The following GLIS3 variants were observed in gnomAD, a reference collection of about 807,000 sequenced individuals.
GLIS3 encodes the protein zinc finger protein GLIS3.
GLIS3 carries 53 observed loss-of-function variants against 78.6 expected under a neutral mutation model. That is an observed-to-expected ratio of 0.67 (90% CI 0.54 to 0.85). The LOEUF (loss-of-function observed/expected upper bound fraction) is 0.85. GLIS3 is among the 40% of genes least tolerant of loss of function. GLIS3 has a pLI of 0.00. For missense variants in GLIS3, 1,703 were observed against 1,231.1 expected (o/e 1.38, Z -5.74); for synonymous variants, 684 against 509.9 (o/e 1.34, Z -4.60).
rs1483576296 is a variant in GLIS3, at chr9:4,225,658, G to A, written c.388+60380C>T. Among the ~76,000 whole-genome samples the A allele has an allele frequency of 2.6e-5, 4 of 152,200 alleles. No individual in the cohort carries two copies. The South Asian group carries it at 6.2e-4, about 24-fold the overall frequency. ...AACTGCTTCTTAATGATGAGCTCAC[G>A]GTACTTCAACCACATCTAAGGGAAA... On this transcript the variant is annotated intron_variant, in intron 2 of 10. Coordinates refer to ENST00000381971, the MANE Select transcript of GLIS3 (RefSeq NM_001042413.2).
At chr9:4,228,323 G>C (rs937159623) in intron 2 of GLIS3, among the ~76,000 whole-genome samples, 5 of 152,096 alleles carry the variant, frequency 3.3e-5, no homozygotes, top group African/African-American at 1.2e-4. Flanking sequence ...GGAGTATAGG[G>C]GAGGAGTCGG....
intron 4 of GLIS3, among the ~76,000 whole-genome samples, chr9:4,063,386 T>C (rs1164360104): frequency 2.0e-5 from 3 of 152,116 alleles, no homozygotes; most frequent in Non-Finnish European, 4.4e-5. Flanking sequence ...CATAACAAGA[T>C]TGAAACCACA....
chr9:4,127,615 T>G (rs557979565), intron 2 of GLIS3, among the ~76,000 whole-genome samples: 2 of 152,248 alleles, frequency 1.3e-5, no homozygotes, highest in African/African-American at 4.8e-5. Context: ...ATGCATTAGC[T>G]TTTCATATTC....
In GLIS3 at chr9:4,044,051, C is replaced by A. The variant is rs1025227855; in HGVS notation, c.1710+73717G>T. Among the ~76,000 whole-genome samples, 12 of 152,282 alleles carry A rather than the reference C, an allele frequency of 7.9e-5. No individual in the cohort carries two copies. In the East Asian group the frequency reaches 2.3e-3, roughly 29 times the overall value. On this transcript the variant is annotated intron_variant, in intron 4 of 10. Coordinates refer to ENST00000381971, the MANE Select transcript of GLIS3 (RefSeq NM_001042413.2). The stretch of plus-strand genomic sequence containing the variant: ...AGAGGGCAGAGCAGGCAAACATCAC[C>A]AATAGGGTCCGGCACAGAAGAGAAA...
the GLIS3 span, among the ~76,000 whole-genome samples, chr9:4,379,081 G>A: frequency 1.3e-5 from 2 of 152,086 alleles, no homozygotes; most frequent in Admixed American, 1.3e-4. Flanking sequence ...GCAGCCTCTC[G>A]GCCGTGTCGT....
chr9:3,990,285 T>A (rs561300722), intron 4 of GLIS3, among the ~76,000 whole-genome samples: 1 of 152,166 alleles, frequency 6.6e-6, no homozygotes, highest in Non-Finnish European at 1.5e-5. Context: ...TAACATAATA[T>A]TAGAATCATT....
At chr9:4,189,772 C>G (rs546439161) in intron 2 of GLIS3, among the ~76,000 whole-genome samples, 27 of 152,188 alleles carry the variant, frequency 1.8e-4, no homozygotes, top group Admixed American at 6.5e-4. Context: ...CTCTTTTGAT[C>G]TTTGCTGGTT....
rs769890708 is a variant in GLIS3, at chr9:4,117,989, C to G, written c.1489G>C (p.Gly497Arg). The G allele has an allele frequency of 5.6e-6, 9 of 1,611,608 alleles. No homozygotes were observed. The East Asian group carries it at 6.7e-5, about 12-fold the overall frequency. The change falls in exon 4 of 11, where the codon GGG (glycine) becomes CGG (arginine). Residue 497 changes from glycine to arginine, a missense_variant. Transcript: ENST00000381971. Reference protein sequence around the residue: ...LDDDGEMDGIGGKHCCRWIDC... With the variant: ...LDDDGEMDGIRGKHCCRWIDC... ...ATCCAGCGGCAGCAATGCTTGCCCC[C>G]GATGCCGTCCATCTCCCCGTCGTCG...
intron 4 of GLIS3, among the ~76,000 whole-genome samples, chr9:4,031,905 A>T (rs909400362): frequency 6.6e-6 from 1 of 152,184 alleles, no homozygotes. Context: ...TTTCATGCCA[A>T]TATATACAGG....
At chr9:4,353,628 C>A in the GLIS3 span, among the ~76,000 whole-genome samples, 5 of 152,096 alleles carry the variant, frequency 3.3e-5, no homozygotes, top group Non-Finnish European at 7.4e-5. Context: ...CAAGAAGTTA[C>A]CCAAAACGGG....
At chr9:4,300,162 G>C (rs1271066842), upstream of GLIS3, among the ~76,000 whole-genome samples, 1 of 151,646 alleles carries the variant, frequency 6.6e-6, no homozygotes, top group Non-Finnish European at 1.5e-5. Context: ...CGGGTCACTA[G>C]GCTGGCCAAT....
At chr9:3,985,238 T>C (rs1819644672) in intron 4 of GLIS3, among the ~76,000 whole-genome samples, 1 of 152,090 alleles carries the variant, frequency 6.6e-6, no homozygotes, top group Non-Finnish European at 1.5e-5. Context: ...CATCTCCAAG[T>C]CTCAAGCAAT....
chr9:4,208,325 A>G (rs772919233), intron 2 of GLIS3, among the ~76,000 whole-genome samples: 2 of 152,196 alleles, frequency 1.3e-5, no homozygotes, highest in Non-Finnish European at 2.9e-5. Flanking sequence ...AAATCTCGAG[A>G]CTGCAATGGC....
chr9:3,837,567 G>C (rs1225672716), intron 9 of GLIS3, among the ~76,000 whole-genome samples: 1 of 152,102 alleles, frequency 6.6e-6, no homozygotes, highest in Non-Finnish European at 1.5e-5. Flanking sequence ...GTACATGCAG[G>C]CAATGGAATA....
rs773438797 is a variant in GLIS3, at chr9:4,296,729, T to C, written c.-99+2692A>G. On this transcript the variant is annotated intron_variant, in intron 1 of 10. Coordinates refer to ENST00000381971, the MANE Select transcript of GLIS3 (RefSeq NM_001042413.2). ...CTTCTGGGCAAGAAAAGAAAGCAAT[T>C]ACAAACTACCAATAAGGACAGGTGT... Among the ~76,000 whole-genome samples the C allele has an allele frequency of 3.0e-4, 46 of 151,862 alleles. 1 individual carries two copies. The highest frequency in any genetic ancestry group is 8.8e-5 in the Non-Finnish European group (6 of 67,986).
chr9:3,975,107 T>A (rs896922617), intron 4 of GLIS3: 2 of 152,106 alleles, frequency 1.3e-5, no homozygotes, highest in Non-Finnish European at 2.9e-5. Flanking sequence ...AACAATATAA[T>A]CTTATATTGT....
At chr9:4,444,980 C>T in the GLIS3 span, among the ~76,000 whole-genome samples, 1 of 152,198 alleles carries the variant, frequency 6.6e-6, no homozygotes, top group Non-Finnish European at 1.5e-5. Flanking sequence ...CATGGAACCT[C>T]TCCCGTTGCC....
chr9:4,076,420 C>T lies in GLIS3; in HGVS notation c.1710+41348G>A, dbSNP rs529744226. On this transcript the variant is annotated intron_variant, in intron 4 of 10. Transcript: ENST00000381971. ...TACCTGTAGTGTTATCTCCTATGACCGATTCCTATGCTCCCATACCTAAAG... is the reference window on the plus strand; with the variant it reads ...TACCTGTAGTGTTATCTCCTATGACTGATTCCTATGCTCCCATACCTAAAG... 8.7e-4 allele frequency among the ~76,000 whole-genome samples: 133 copies of T among 152,214 alleles called. 1 individual carries two copies. The highest frequency in any genetic ancestry group is 2.7e-3 in the African/African-American group (113 of 41,520).
At position 4,279,056 on chromosome 9, in the gene GLIS3, C is replaced by G. The variant is rs906036195; in HGVS notation, c.388+6982G>C. ...GTGGCTCATGCCTGTAATCCCAGCA[C>G]TTTGGGAGGCTGAGGCAGGTGGATC... is the stretch of plus-strand genomic sequence containing the variant. On this transcript the variant is annotated intron_variant, in intron 2 of 10. Transcript: ENST00000381971. Among the ~76,000 whole-genome samples, 3 of 152,170 alleles carry G rather than the reference C, an allele frequency of 2.0e-5. No homozygotes were observed. The East Asian group carries it at 5.8e-4, about 29-fold the overall frequency.
Sources: gnomAD v4.1 joint callset for allele counts (sites outside exome capture counted in the v4.1 genomes callset) on GRCh38, gnomAD v4.1.1 for gene constraint, MANE v1.5 for transcripts, NCBI Gene and HGNC (gene_info 2026-07-23, HGNC 2026-07-21) for gene names.